DCDC1: variants seen among roughly 807,000 people sequenced by gnomAD.
DCDC1 encodes doublecortin domain containing 1.
DCDC1 carries 200 observed loss-of-function variants against 178.3 expected under a neutral mutation model. The observed-to-expected ratio is 1.12, with a 90% CI of 1.00 to 1.26. The LOEUF (loss-of-function observed/expected upper bound fraction) is 1.26. DCDC1 is among the 50% of genes most tolerant of loss of function. The pLI, the probability that DCDC1 is intolerant of heterozygous loss-of-function variation, is 0.00. For missense variants in DCDC1, 1,983 were observed against 1,749.2 expected (o/e 1.13, Z -2.38); for synonymous variants, 690 against 604.8 (o/e 1.14, Z -2.07).
chr11:31,269,675 T>A (rs1461295430), intron 7 of DCDC1, among the ~76,000 whole-genome samples: 1 of 152,172 alleles, frequency 6.6e-6, no homozygotes, highest in African/African-American at 2.4e-5. Flanking sequence ...CATGAACCAC[T>A]GCACCTGGCC....
intron 20 of DCDC1, among the ~76,000 whole-genome samples, chr11:31,059,388 T>C (rs533157086): frequency 1.3e-3 from 192 of 152,198 alleles, no homozygotes; most frequent in African/African-American, 4.4e-3. Flanking sequence ...AACAAAATTA[T>C]ACCTTCACAA....
At chr11:31,079,803 G>A (rs1046524521) in intron 17 of DCDC1, among the ~76,000 whole-genome samples, 1 of 152,148 alleles carries the variant, frequency 6.6e-6, no homozygotes, top group African/African-American at 2.4e-5. Flanking sequence ...AAATGAGGTG[G>A]AGGTTAGAGA....
At chr11:31,213,376 A>T (rs1210839697) in intron 9 of DCDC1, among the ~76,000 whole-genome samples, 2 of 152,004 alleles carry the variant, frequency 1.3e-5, no homozygotes, top group East Asian at 1.9e-4. Context: ...TTTGTTTAAC[A>T]TCTAAAGTAG....
rs935301964 is a variant in DCDC1 at position 31,117,709 on chromosome 11, A to AC, written c.1486-7349_1486-7348insG. Among the ~76,000 whole-genome samples the AC allele has an allele frequency of 8.6e-5, 13 of 151,800 alleles. No individual in the cohort carries two copies. In the South Asian group the frequency reaches 1.5e-3, roughly 17 times the overall value. On this transcript the variant is annotated intron_variant, in intron 11 of 38. Transcript: ENST00000684477. ...AAAATAAGGCATATGTTTCTGCAAA[A>AC]AAAAAACAAAAAATCAATTTGTATC... is the stretch of plus-strand genomic sequence containing the variant.
At chr11:31,322,349 ATTTCCC>A (rs1949411893) in intron 3 of DCDC1, among the ~76,000 whole-genome samples, 1 of 152,202 alleles carries the variant, frequency 6.6e-6, no homozygotes, top group African/African-American at 2.4e-5. Context: ...TATGTAAGTC[ATTTCCC>A]CCATTTCTTC....
chr11:30,973,346 C>T (rs981610396), intron 20 of DCDC1, among the ~76,000 whole-genome samples: 7 of 151,522 alleles, frequency 4.6e-5, no homozygotes, highest in African/African-American at 1.7e-4. Flanking sequence ...GAAGTACTGG[C>T]TCCCTATTTG....
rs769583868 is a variant in DCDC1 at position 30,922,657 on chromosome 11, C to A, written c.2998-19G>T. 6.7e-6 allele frequency: 10 copies of A among 1,503,538 alleles called. No individual in the cohort carries two copies. Among genetic ancestry groups the A allele is most frequent in the Non-Finnish European group, 5.3e-6 (6 of 1,134,442 alleles). The allele number at this position is 1,503,538 out of a possible 1,614,324, so 93.1% of individuals were successfully genotyped here. Reference sequence around the variant, plus strand: ...CATACACCTATCAAACAAAGCATCTCTTATCCTGTATATAATTGTCACAGC... The same window carrying A: ...CATACACCTATCAAACAAAGCATCTATTATCCTGTATATAATTGTCACAGC... On this transcript the variant is annotated intron_variant, in intron 23 of 38. Coordinates refer to ENST00000684477, the MANE Select transcript of DCDC1 (RefSeq NM_001387274.1).
At chr11:31,260,961 C>T (rs534161842) in intron 8 of DCDC1, among the ~76,000 whole-genome samples, 1 of 152,146 alleles carries the variant, frequency 6.6e-6, no homozygotes, top group African/African-American at 2.4e-5. Context: ...ATGCTTTGTC[C>T]TAAACAAAGG....
chr11:30,952,379 A>G lies in DCDC1; in HGVS notation c.2715+66T>C. The G allele has an allele frequency of 2.2e-6, 3 of 1,384,626 alleles. No individual in the cohort carries two copies. In the South Asian group the frequency reaches 5.4e-5, roughly 25 times the overall value. The allele number at this position is 1,384,626 out of a possible 1,614,324, so 85.8% of individuals were successfully genotyped here. On this transcript the variant is annotated intron_variant, in intron 21 of 38. Coordinates refer to ENST00000684477, the MANE Select transcript of DCDC1 (RefSeq NM_001387274.1). Reference sequence around the variant, plus strand: ...AAAAGCTATATGGAAGTTGTCAGGAATTTGACCACACAACTGGGCCTTAAA... The same window carrying G: ...AAAAGCTATATGGAAGTTGTCAGGAGTTTGACCACACAACTGGGCCTTAAA...
At chr11:30,997,876 T>C (rs1475250121) in intron 20 of DCDC1, among the ~76,000 whole-genome samples, 4 of 152,186 alleles carry the variant, frequency 2.6e-5, no homozygotes, top group African/African-American at 9.6e-5. Flanking sequence ...AATAGCCTTC[T>C]CCCCATCTCC....
chr11:30,909,247 C>T (rs962908779), intron 28 of DCDC1, 131 bp from the exon 29 acceptor site: 8 of 630,326 alleles, frequency 1.3e-5, no homozygotes, highest in Admixed American at 4.1e-5. Context: ...AACTACTACT[C>T]TTGAAATTTT....
chr11:31,014,692 A>G (rs1420235495), intron 20 of DCDC1, among the ~76,000 whole-genome samples: 1 of 152,174 alleles, frequency 6.6e-6, no homozygotes, highest in African/African-American at 2.4e-5. Context: ...CATGGTGTTT[A>G]CCAATCACTA....
At chr11:31,298,493 G>A (rs907479495) in intron 6 of DCDC1, among the ~76,000 whole-genome samples, 1 of 152,102 alleles carries the variant, frequency 6.6e-6, no homozygotes, top group Admixed American at 6.6e-5. Context: ...CAAAAGGGTC[G>A]TATCTCAGCT....
At chr11:31,034,405 C>T (rs373500377) in intron 20 of DCDC1, among the ~76,000 whole-genome samples, 2 of 152,088 alleles carry the variant, frequency 1.3e-5, no homozygotes, top group Admixed American at 6.5e-5. Context: ...CAGTAATGTA[C>T]AATAATGTCC....
At chr11:30,924,015 A>G (rs1203683539) in intron 23 of DCDC1, among the ~76,000 whole-genome samples, 4 of 152,208 alleles carry the variant, frequency 2.6e-5, no homozygotes, top group Admixed American at 1.3e-4. Context: ...GTTACTCTTC[A>G]GAGCAGTGAC....
In DCDC1 at chr11:30,920,855, C is replaced by T; in HGVS notation, c.3214G>A (p.Glu1072Lys). Residue 1072 changes from glutamate to lysine, a missense_variant, in exon 25 of 39, where the codon GAG (glutamate) becomes AAG (lysine). By Grantham distance (56) the Glu-to-Lys change is moderately conservative. Coordinates refer to ENST00000684477, the MANE Select transcript of DCDC1 (RefSeq NM_001387274.1). The part of the protein sequence containing the change: ...VHKPVAIFGE[E>K]KQVTEPEEKQ... ...TCTTCCGGTTCTGTAACTTGCTTCT[C>T]TTCTCCAAAAATTGCTACAGGTTTA... 6.2e-7 allele frequency: 1 copy of T among 1,613,586 alleles called. No homozygotes were observed. Among genetic ancestry groups the T allele is most frequent in the East Asian group, 2.2e-5 (1 of 44,862 alleles).
At chr11:31,310,273 T>G (rs2137641455) in intron 3 of DCDC1, among the ~76,000 whole-genome samples, 1 of 151,602 alleles carries the variant, frequency 6.6e-6, no homozygotes, top group East Asian at 1.9e-4. Flanking sequence ...TTGATATGTT[T>G]TACAACATTG....
At chr11:31,296,477 A>G (rs1426508790) in intron 6 of DCDC1, among the ~76,000 whole-genome samples, 2 of 152,070 alleles carry the variant, frequency 1.3e-5, no homozygotes, top group Non-Finnish European at 2.9e-5. Context: ...ACTTTCCCAC[A>G]TCTTTCTGTC....
chr11:30,905,879 T>C (rs1945022142), intron 30 of DCDC1, among the ~76,000 whole-genome samples: 1 of 152,186 alleles, frequency 6.6e-6, no homozygotes, highest in Admixed American at 6.5e-5. Context: ...GAGGGTGATC[T>C]GGGGATGAGG....
Sources: allele counts gnomAD v4.1 joint callset (sites outside exome capture counted in the v4.1 genomes callset), GRCh38; gene constraint gnomAD v4.1.1; transcripts MANE v1.5; gene names NCBI Gene and HGNC (gene_info 2026-07-23, HGNC 2026-07-21).